SLC39A10: variants seen among roughly 807,000 people sequenced by gnomAD.
SLC39A10 encodes the protein solute carrier family 39 member 10.
A neutral mutation model predicts 65.1 loss-of-function variants in SLC39A10; 13 were observed. The ratio of observed to expected loss-of-function variants is 0.20; its 90% CI spans 0.13 to 0.32. SLC39A10 has a LOEUF of 0.32. Among genes scored for constraint, SLC39A10 ranks in the 10% least tolerant of loss-of-function variants. The pLI, the probability that SLC39A10 is intolerant of heterozygous loss-of-function variation, is 1.00. For missense variants in SLC39A10, 831 were observed against 1,018.4 expected, an observed-to-expected ratio of 0.82 and a Z score of 2.50; for synonymous variants, 321 against 342.2, an observed-to-expected ratio of 0.94 and a Z score of 0.68.
At chr2:195,669,703 T>A (rs991980964) in intron 1 of SLC39A10, among the ~76,000 whole-genome samples, 1 of 152,122 alleles carries the variant, frequency 6.6e-6, no homozygotes, top group African/African-American at 2.4e-5. Flanking sequence ...AGCCTATAGT[T>A]AAGGTTTTTG....
At chr2:195,633,403 C>G (rs929665399) in intron 2 of SLC39A10, among the ~76,000 whole-genome samples, 2 of 152,204 alleles carry the variant, frequency 1.3e-5, no homozygotes, top group Non-Finnish European at 2.9e-5. Context: ...GAGGGAATAC[C>G]GATGACCCCT....
intron 2 of SLC39A10, among the ~76,000 whole-genome samples, chr2:195,647,060 TAG>T (rs1320571110): frequency 6.6e-6 from 1 of 152,182 alleles, no homozygotes; most frequent in Admixed American, 6.5e-5. Context: ...CTTCCATTTT[TAG>T]AGTCTCTTAT....
chr2:195,670,339 CACAT>C (rs1689808502), intron 1 of SLC39A10: 1 of 151,758 alleles, frequency 6.6e-6, no homozygotes, highest in African/African-American at 2.4e-5. Flanking sequence ...TACATTATCT[CACAT>C]ACCATGTTTT....
At chr2:195,694,519 C>G (rs889196565) in intron 3 of SLC39A10, among the ~76,000 whole-genome samples, 1 of 152,276 alleles carries the variant, frequency 6.6e-6, no homozygotes. Flanking sequence ...TTTTGTTCTT[C>G]TGGGTTCAGC....
intron 2 of SLC39A10, among the ~76,000 whole-genome samples, chr2:195,617,843 C>T (rs1688256260): frequency 6.6e-6 from 1 of 151,208 alleles, no homozygotes; most frequent in South Asian, 2.1e-4. Context: ...AGGGTCACGC[C>T]ATTCTCCTGC....
At chr2:195,657,905 C>T (rs954770537) in intron 1 of SLC39A10, among the ~76,000 whole-genome samples, 1 of 152,142 alleles carries the variant, frequency 6.6e-6, no homozygotes, top group Non-Finnish European at 1.5e-5. Flanking sequence ...AGTTTTCTCC[C>T]GGACCAACCG....
chr2:195,678,926 C>A (rs1690198553), intron 1 of SLC39A10, among the ~76,000 whole-genome samples: 4 of 152,034 alleles, frequency 2.6e-5, no homozygotes, highest in Admixed American at 2.6e-4. Context: ...TGGAAAACTT[C>A]AGAATTACAT....
At chr2:195,721,605 C>A (rs114776618) in intron 8 of SLC39A10, among the ~76,000 whole-genome samples, 4 of 152,206 alleles carry the variant, frequency 2.6e-5, no homozygotes, top group African/African-American at 7.2e-5. Flanking sequence ...GTCTTATGCT[C>A]TTCTCTAACT....
intron 1 of SLC39A10, among the ~76,000 whole-genome samples, chr2:195,665,091 AG>A (rs1481488915): frequency 2.6e-5 from 4 of 152,152 alleles, no homozygotes; most frequent in African/African-American, 4.8e-5. Context: ...TGGGAGGCTG[AG>A]GGGGGCTGGA....
chr2:195,637,805 A>G (rs960428074), intron 2 of SLC39A10, among the ~76,000 whole-genome samples: 2 of 152,210 alleles, frequency 1.3e-5, no homozygotes, highest in African/African-American at 4.8e-5. Flanking sequence ...ACCTTTAAAA[A>G]AGATTGAGCT....
intron 2 of SLC39A10, among the ~76,000 whole-genome samples, chr2:195,620,584 C>T (rs1013565320): frequency 6.6e-5 from 10 of 152,088 alleles, no homozygotes; most frequent in Non-Finnish European, 1.2e-4. Context: ...AGGAAATCCT[C>T]TATTTAGCAA....
intron 3 of SLC39A10, among the ~76,000 whole-genome samples, chr2:195,695,280 G>T (rs905770391): frequency 6.6e-6 from 1 of 152,200 alleles, no homozygotes; most frequent in African/African-American, 2.4e-5. Flanking sequence ...TCCTGTGGCC[G>T]CTGTGGGGGA....
intron 3 of SLC39A10, among the ~76,000 whole-genome samples, chr2:195,694,722 G>A (rs1282780574): frequency 2.0e-5 from 3 of 152,170 alleles, no homozygotes; most frequent in Non-Finnish European, 4.4e-5. Context: ...TTTTGTGTTG[G>A]TTGGCATCGA....
intron 3 of SLC39A10, among the ~76,000 whole-genome samples, chr2:195,700,074 G>A (rs997412876): frequency 1.3e-5 from 2 of 151,948 alleles, no homozygotes; most frequent in Non-Finnish European, 2.9e-5. Flanking sequence ...ATGGAATATC[G>A]TTTTCCATCT....
At chr2:195,725,354 G>C (rs1193590499) in intron 8 of SLC39A10, among the ~76,000 whole-genome samples, 2 of 151,972 alleles carry the variant, frequency 1.3e-5, no homozygotes, top group Non-Finnish European at 2.9e-5. Flanking sequence ...CAAAATATTT[G>C]GACAATACAT....
rs1002346521 is a variant in SLC39A10, at chr2:195,683,472, G to A, written c.1009-227G>A. The stretch of plus-strand genomic sequence containing the variant: ...ATGACAGAAAGTCATTATCTTTCAT[G>A]TGTTGGAGTAGAAAAATTATTAAAG... On this transcript the variant is annotated intron_variant, in intron 2 of 9. Coordinates refer to ENST00000359634, the MANE Select transcript of SLC39A10 (RefSeq NM_020342.3). Among the ~76,000 whole-genome samples, 6 of 152,152 alleles carry A rather than the reference G, an allele frequency of 3.9e-5. No homozygotes were observed. The South Asian group carries it at 1.2e-3, about 32-fold the overall frequency.
Position 195,716,954 on chromosome 2 carries a change from A to G in SLC39A10, c.2014A>G (p.Met672Val), listed in dbSNP as rs1691836586. The G allele has an allele frequency of 6.2e-7, 1 of 1,614,056 alleles. No homozygotes were observed. The highest frequency in any genetic ancestry group is 1.7e-5 in the Admixed American group (1 of 59,998). Residue 672 changes from methionine (M) to valine (V), a missense_variant, in exon 7 of 10, where the codon ATG becomes GTG. By Grantham distance (21) the Met-to-Val change is conservative. This residue lies in a region of SLC39A10 where 120 missense variants were observed against 203.9 expected (regional missense o/e 0.59). Transcript: ENST00000359634. ...AACAGGAATAGCTAATATAGCCTGGATGGTGATCATGGGGGATGGCATCCA... is the reference window on the plus strand; with the variant it reads ...AACAGGAATAGCTAATATAGCCTGGGTGGTGATCATGGGGGATGGCATCCA... ...KETGIANIAW[M>V]VIMGDGIHNF...
chr2:195,617,673 C>G (rs1417453869), intron 2 of SLC39A10, among the ~76,000 whole-genome samples: 2 of 143,174 alleles, frequency 1.4e-5, no homozygotes, highest in Middle Eastern at 3.5e-3. Context: ...GAGTTCAAGA[C>G]CAGCCTAGGC....
At chr2:195,673,652 G>T (rs1387397751) in intron 1 of SLC39A10, among the ~76,000 whole-genome samples, 1 of 152,154 alleles carries the variant, frequency 6.6e-6, no homozygotes. Context: ...ATAAGTCATT[G>T]CTGGGTCCTA....
Sources: allele counts gnomAD v4.1 joint callset (sites outside exome capture counted in the v4.1 genomes callset), GRCh38; gene constraint gnomAD v4.1.1; regional missense constraint gnomAD v4.1.1; transcripts MANE v1.5; gene names NCBI Gene and HGNC (gene_info 2026-07-23, HGNC 2026-07-21).